Variants in ZBTB20 observed in about 807,000 individuals in gnomAD.
ZBTB20 encodes the protein zinc finger and BTB domain containing 20, also known as zinc finger and BTB domain-containing protein 20.
In ZBTB20, 9 loss-of-function variants were observed where a neutral mutation model predicts 56.9. The ratio of observed to expected loss-of-function variants is 0.16; its 90% CI spans 0.10 to 0.28. The LOEUF (loss-of-function observed/expected upper bound fraction) is 0.28. Ranked by LOEUF, ZBTB20 falls within the 10% of genes least tolerant of loss-of-function variation. The pLI, the probability that ZBTB20 is intolerant of heterozygous loss-of-function variation, is 1.00. For missense variants in ZBTB20, 655 were observed against 1,003.0 expected (o/e 0.65, Z 4.69); for synonymous variants, 417 against 420.7 (o/e 0.99, Z 0.11).
chr3:115,127,101 C>T (rs1170317439), intron 1 of ZBTB20, among the ~76,000 whole-genome samples: 1 of 152,134 alleles, frequency 6.6e-6, no homozygotes, highest in South Asian at 2.1e-4. Flanking sequence ...GCATTTTAAG[C>T]TTGTAGGTGG....
chr3:114,877,313 G>T (rs1302201507), intron 4 of ZBTB20, among the ~76,000 whole-genome samples: 1 of 152,160 alleles, frequency 6.6e-6, no homozygotes, highest in African/African-American at 2.4e-5. Context: ...GGAACTGTTG[G>T]TTCCTCTCAA....
intron 1 of ZBTB20, among the ~76,000 whole-genome samples, chr3:115,071,634 A>G (rs1666312953): frequency 6.6e-6 from 1 of 152,190 alleles, no homozygotes; most frequent in Non-Finnish European, 1.5e-5. Context: ...GATAGACGTC[A>G]GTGAAGTTCA....
intron 2 of ZBTB20, among the ~76,000 whole-genome samples, chr3:115,046,441 T>C (rs574889795): frequency 3.9e-5 from 6 of 152,252 alleles, no homozygotes; most frequent in Admixed American, 2.6e-4. Flanking sequence ...ACATCAAATG[T>C]TGGGTAAAAG....
intron 1 of ZBTB20, among the ~76,000 whole-genome samples, chr3:115,081,659 A>T (rs2082801338): frequency 6.6e-6 from 1 of 152,182 alleles, no homozygotes; most frequent in Admixed American, 6.6e-5. Flanking sequence ...CCTGGTGTCC[A>T]GCTGGATTTA....
chr3:114,769,479 A>G (rs868352929), intron 5 of ZBTB20, among the ~76,000 whole-genome samples: 10 of 149,154 alleles, frequency 6.7e-5, no homozygotes, highest in African/African-American at 2.5e-4. Flanking sequence ...GTAAATAGAT[A>G]ATATACTTTC....
At chr3:114,922,115 C>T (rs936180220) in intron 3 of ZBTB20, among the ~76,000 whole-genome samples, 1 of 152,008 alleles carries the variant, frequency 6.6e-6, no homozygotes, top group African/African-American at 2.4e-5. Context: ...GGGAAAAGCA[C>T]CTGACAAAAA....
intron 2 of ZBTB20, among the ~76,000 whole-genome samples, chr3:115,012,559 A>T (rs2079768931): frequency 1.3e-5 from 2 of 151,790 alleles, no homozygotes; most frequent in South Asian, 4.1e-4. Flanking sequence ...GAGTATCCAG[A>T]TTTACAAAGC....
chr3:114,888,143 T>C (rs1576233380), intron 4 of ZBTB20, among the ~76,000 whole-genome samples: 1 of 149,088 alleles, frequency 6.7e-6, no homozygotes, highest in South Asian at 2.1e-4. Flanking sequence ...ATAGGCTGGG[T>C]GCAGTGGCTC....
At chr3:114,699,806 ACCTGTT>A (rs1001655701) in intron 5 of ZBTB20, among the ~76,000 whole-genome samples, 1 of 152,096 alleles carries the variant, frequency 6.6e-6, no homozygotes, top group African/African-American at 2.4e-5. Flanking sequence ...ATGAGAACTT[ACCTGTT>A]CTTCTTCATT....
chr3:115,079,172 A>T lies in ZBTB20; in HGVS notation c.-702-7758T>A, dbSNP rs1388609945. 3.9e-5 allele frequency among the ~76,000 whole-genome samples: 6 copies of T among 152,288 alleles called. No homozygotes were observed. In the East Asian group the frequency reaches 1.2e-3, roughly 29 times the overall value. On this transcript the variant is annotated intron_variant, in intron 1 of 11. Transcript: ENST00000675478. ...GGTAAAGTTGTCAGATTCTTGAGGTAGGGCACAATAACAAGTGCTAGAATC... is the reference window on the plus strand; with the variant it reads ...GGTAAAGTTGTCAGATTCTTGAGGTTGGGCACAATAACAAGTGCTAGAATC...
intron 6 of ZBTB20, among the ~76,000 whole-genome samples, chr3:114,613,899 T>A (rs2057736908): frequency 6.6e-6 from 1 of 152,186 alleles, no homozygotes; most frequent in Non-Finnish European, 1.5e-5. Flanking sequence ...GTGCTTATTA[T>A]ATACTAGGTA....
chr3:115,133,180 G>A (rs1351191045), intron 1 of ZBTB20, among the ~76,000 whole-genome samples: 1 of 152,076 alleles, frequency 6.6e-6, no homozygotes. Flanking sequence ...TCTATGCTAA[G>A]TAGCATCTGC....
chr3:114,815,447 G>A (rs765967161), intron 4 of ZBTB20, among the ~76,000 whole-genome samples: 5 of 152,048 alleles, frequency 3.3e-5, no homozygotes, highest in Non-Finnish European at 7.4e-5. Context: ...TCATTCCAAC[G>A]TGACACATTT....
rs895265828 is a variant in ZBTB20 at position 114,333,423 on chromosome 3, G to A, written c.*5582C>T. ...TTCCTGGCTACCTAAGAGAACAGCCGTTTTCTTCATGAAAACACAAAGAGG... is the reference window on the plus strand; with the variant it reads ...TTCCTGGCTACCTAAGAGAACAGCCATTTTCTTCATGAAAACACAAAGAGG... On this transcript the variant is annotated 3_prime_UTR_variant, in exon 12 of 12. Transcript: ENST00000675478. 6.6e-6 allele frequency: 1 copy of A among 152,148 alleles called. No individual in the cohort carries two copies. Among genetic ancestry groups the A allele is most frequent in the Non-Finnish European group, 1.5e-5 (1 of 68,052 alleles). 9.4% of individuals were successfully genotyped at this position (152,148 alleles called of 1,614,324 possible). A position where few individuals can be genotyped will look rare whatever the true frequency, so the allele number is the denominator to read the frequency against.
chr3:114,817,016 T>C (rs1409762052), intron 4 of ZBTB20, among the ~76,000 whole-genome samples: 3 of 151,852 alleles, frequency 2.0e-5, no homozygotes, highest in Non-Finnish European at 2.9e-5. Flanking sequence ...GAAGAAACAA[T>C]TATAAAAGTA....
chr3:114,881,844 C>A (rs2076411286), intron 4 of ZBTB20, among the ~76,000 whole-genome samples: 2 of 151,654 alleles, frequency 1.3e-5, no homozygotes, highest in Non-Finnish European at 3.0e-5. Context: ...TATTTTCATT[C>A]TCAAAAATAA....
At chr3:114,495,452 T>TAC (rs35156549) in intron 7 of ZBTB20, among the ~76,000 whole-genome samples, 27,835 of 149,046 alleles carry the variant, frequency 0.19, 2,656 homozygotes, top group Middle Eastern at 0.3. Context: ...AGTCTGTGTA[T>TAC]ACACACACAC....
intron 6 of ZBTB20, among the ~76,000 whole-genome samples, chr3:114,524,077 G>A (rs2046943200): frequency 6.6e-6 from 1 of 152,162 alleles, no homozygotes. Flanking sequence ...GGTCAATGGT[G>A]TTAAAGGCGC....
intron 5 of ZBTB20, among the ~76,000 whole-genome samples, chr3:114,707,356 A>G (rs1353284609): frequency 1.3e-5 from 2 of 152,048 alleles, no homozygotes; most frequent in Non-Finnish European, 2.9e-5. Flanking sequence ...AGGAGCTCTC[A>G]CTCTTTAATT....
Sources: gnomAD v4.1 joint callset for allele counts (sites outside exome capture counted in the v4.1 genomes callset) on GRCh38, gnomAD v4.1.1 for gene constraint, MANE v1.5 for transcripts, NCBI Gene and HGNC (gene_info 2026-07-23, HGNC 2026-07-21) for gene names.